AGAP1: variants seen among roughly 807,000 people sequenced by gnomAD.
The protein encoded by AGAP1 is arf-GAP with GTPase, ANK repeat and PH domain-containing protein 1.
In AGAP1, 29 loss-of-function variants were observed where a neutral mutation model predicts 105.3. That is an observed-to-expected ratio of 0.28 (90% CI 0.21 to 0.38). The LOEUF (loss-of-function observed/expected upper bound fraction) is 0.38, where lower values mean the gene tolerates loss of function less well. AGAP1 is among the 10% of genes least tolerant of loss of function. AGAP1 has a pLI of 1.00. For missense variants in AGAP1, 998 were observed against 1,165.1 expected (o/e 0.86, Z 2.09); for synonymous variants, 509 against 485.9 (o/e 1.05, Z -0.63).
intron 1 of AGAP1, among the ~76,000 whole-genome samples, chr2:235,704,019 A>G (rs1011936196): frequency 6.6e-6 from 1 of 152,170 alleles, no homozygotes; most frequent in African/African-American, 2.4e-5. Context: ...AGAGACCAGA[A>G]AGTTAACCGA....
intron 3 of AGAP1, among the ~76,000 whole-genome samples, chr2:235,727,571 G>A (rs1951710062): frequency 1.3e-5 from 2 of 152,316 alleles, no homozygotes; most frequent in South Asian, 4.2e-4. Flanking sequence ...CTCCAATGCT[G>A]AAAGCTTAGT....
intron 1 of AGAP1, among the ~76,000 whole-genome samples, chr2:235,698,583 A>G (rs1228791419): frequency 6.6e-6 from 1 of 152,196 alleles, no homozygotes; most frequent in Non-Finnish European, 1.5e-5. Context: ...GTTTTAAAGC[A>G]TTCTCGAGAT....
rs189327323 is a variant in AGAP1 at position 236,011,084 on chromosome 2, T to A, written c.1646-25477T>A. 1.6e-3 allele frequency among the ~76,000 whole-genome samples: 243 copies of A among 152,322 alleles called. 3 individuals carry two copies. Among genetic ancestry groups the A allele is most frequent in the Admixed American group, 0.016 (242 of 15,290 alleles). On this transcript the variant is annotated intron_variant, in intron 13 of 17. Coordinates refer to ENST00000304032, the MANE Select transcript of AGAP1 (RefSeq NM_001037131.3). ...AAAAGAAAATACATTCCAGCCAGCA[T>A]GATGATGAGTTTTCCATGTGTGTTT... is the stretch of plus-strand genomic sequence containing the variant.
At chr2:236,094,309 G>A (rs527278794) in intron 16 of AGAP1, among the ~76,000 whole-genome samples, 186 of 150,540 alleles carry the variant, frequency 1.2e-3, no homozygotes, top group African/African-American at 4.4e-3. Context: ...AAAAAAAATT[G>A]CAAATACGAT....
chr2:235,808,181 T>G (rs1957941197), intron 9 of AGAP1, among the ~76,000 whole-genome samples: 1 of 152,240 alleles, frequency 6.6e-6, no homozygotes, highest in Admixed American at 6.5e-5. Context: ...CCAATTGATT[T>G]AGAGTGCATC....
At chr2:235,765,446 G>A (rs946016485) in intron 6 of AGAP1, among the ~76,000 whole-genome samples, 2 of 152,042 alleles carry the variant, frequency 1.3e-5, no homozygotes, top group African/African-American at 2.4e-5. Flanking sequence ...CTTTTTAGTC[G>A]AACATGTAAA....
At position 235,655,079 on chromosome 2, in the gene AGAP1, T is replaced by C. The variant is rs867273115; in HGVS notation, c.164-54100T>C. Among the ~76,000 whole-genome samples, 23 of 152,276 alleles carry C rather than the reference T, an allele frequency of 1.5e-4. No homozygotes were observed. Among genetic ancestry groups the C allele is most frequent in the African/African-American group, 5.3e-4 (22 of 41,560 alleles). ...ATATCCAGAATGATCCTCTTTTTTT[T>C]TTTTTTGAGTTGTGTGTTAACAGAA... On this transcript the variant is annotated intron_variant, in intron 1 of 17. Transcript: ENST00000304032. The surrounding 1 kb of genome is among the most constrained non-coding windows in gnomAD (Gnocchi z 4.3).
rs578018570 is a variant in AGAP1, at chr2:235,748,610, C to T, written c.539-1744C>T. ...GCAGAGTTCACTTGCCTTCCAGTAACGAGGAAACGTCAGCCCAACCCTATT... is the reference window on the plus strand; with the variant it reads ...GCAGAGTTCACTTGCCTTCCAGTAATGAGGAAACGTCAGCCCAACCCTATT... On this transcript the variant is annotated intron_variant, in intron 5 of 17. Coordinates refer to ENST00000304032, the MANE Select transcript of AGAP1 (RefSeq NM_001037131.3). Among the ~76,000 whole-genome samples, 6 of 152,102 alleles carry T rather than the reference C, an allele frequency of 3.9e-5. No homozygotes were observed. The East Asian group carries it at 5.8e-4, about 15-fold the overall frequency.
intron 13 of AGAP1, among the ~76,000 whole-genome samples, chr2:236,019,505 C>G (rs1327483540): frequency 1.3e-5 from 2 of 152,228 alleles, no homozygotes; most frequent in Non-Finnish European, 2.9e-5. Flanking sequence ...TCGTGCACCC[C>G]TAGCAGAGGG....
intron 16 of AGAP1, among the ~76,000 whole-genome samples, chr2:236,098,640 A>G (rs1374274742): frequency 1.2e-5 from 1 of 81,228 alleles, no homozygotes; most frequent in African/African-American, 9.3e-5. Flanking sequence ...TTTTTTTTTT[A>G]GAGAAACAGG....
chr2:235,670,577 G>C (rs901174408), intron 1 of AGAP1: 6 of 512,570 alleles, frequency 1.2e-5, no homozygotes, highest in African/African-American at 2.0e-5. Flanking sequence ...GCACTGGAGC[G>C]GGCCTGAGGC....
At chr2:235,800,857 G>GT (rs1957463620) in intron 8 of AGAP1, among the ~76,000 whole-genome samples, 1 of 152,214 alleles carries the variant, frequency 6.6e-6, no homozygotes, top group Non-Finnish European at 1.5e-5. Flanking sequence ...CCACATGTTA[G>GT]TGGTGCCCTG....
rs2049500901 is a variant in AGAP1, at chr2:235,872,615, A to G, written c.1051-10730A>G. Reference sequence around the variant, plus strand: ...GTCCTCTAAAAGTTTCAAATGAACTATTTTTAGGGTTTTCCATTTTCTTGG... The same window carrying G: ...GTCCTCTAAAAGTTTCAAATGAACTGTTTTTAGGGTTTTCCATTTTCTTGG... On this transcript the variant is annotated intron_variant, in intron 9 of 17. Transcript: ENST00000304032. The surrounding 1 kb of genome is among the most constrained non-coding windows in gnomAD (Gnocchi z 4.5). Among the ~76,000 whole-genome samples, 1 of 152,150 alleles carries G rather than the reference A, an allele frequency of 6.6e-6. No individual in the cohort carries two copies. Among genetic ancestry groups the G allele is most frequent in the African/African-American group, 2.4e-5 (1 of 41,436 alleles).
intron 16 of AGAP1, among the ~76,000 whole-genome samples, chr2:236,088,352 G>T (rs925202135): frequency 6.6e-6 from 1 of 152,236 alleles, no homozygotes; most frequent in African/African-American, 2.4e-5. Context: ...GCTGGAAAGG[G>T]CAAAGACCCA....
chr2:235,869,180 A>G (rs182816740), intron 9 of AGAP1, among the ~76,000 whole-genome samples: 5 of 152,264 alleles, frequency 3.3e-5, no homozygotes, highest in Admixed American at 3.3e-4. Flanking sequence ...CAGCGGGGTA[A>G]CAAGTATAAA....
At chr2:236,047,536 G>A (rs2057757799) in intron 15 of AGAP1, among the ~76,000 whole-genome samples, 1 of 148,518 alleles carries the variant, frequency 6.7e-6, no homozygotes, top group African/African-American at 2.5e-5. Context: ...TTCATTTGAT[G>A]CATAGGTTTC....
chr2:235,680,142 G>C lies in AGAP1; in HGVS notation c.164-29037G>C, dbSNP rs187049889. ...CAGGAGATCAGAGCACAGGGAGCTG[G>C]CCCCCTGGCTGACCTTCCTTGTGGG... On this transcript the variant is annotated intron_variant, in intron 1 of 17. Transcript: ENST00000304032. Among the ~76,000 whole-genome samples the C allele has an allele frequency of 2.6e-5, 4 of 152,310 alleles. No homozygotes were observed. The East Asian group carries it at 7.7e-4, about 29-fold the overall frequency.
intron 9 of AGAP1, among the ~76,000 whole-genome samples, chr2:235,869,395 C>G (rs1185888335): frequency 8.1e-6 from 1 of 123,380 alleles, no homozygotes; most frequent in Non-Finnish European, 1.6e-5. Context: ...CCATCCTGAC[C>G]AACATGGTGA....
intron 1 of AGAP1, among the ~76,000 whole-genome samples, chr2:235,661,209 C>T (rs1010847169): frequency 2.4e-4 from 36 of 151,922 alleles, no homozygotes; most frequent in Non-Finnish European, 7.4e-5. Flanking sequence ...CAGACAGATA[C>T]GCAGGTGGGG....
Sources: gnomAD v4.1 joint callset for allele counts (sites outside exome capture counted in the v4.1 genomes callset) on GRCh38, gnomAD v4.1.1 for gene constraint, Gnocchi (gnomAD v3.1) non-coding constraint, MANE v1.5 for transcripts, NCBI Gene and HGNC (gene_info 2026-07-23, HGNC 2026-07-21) for gene names.